Variants in MXD4 observed in about 807,000 individuals in gnomAD.
MXD4 encodes the protein Mad4 homolog.
In MXD4, 16 loss-of-function variants were observed where a neutral mutation model predicts 24.5. The observed-to-expected ratio is 0.65, with a 90% CI of 0.44 to 0.99. The LOEUF (loss-of-function observed/expected upper bound fraction) is 0.99, where lower values mean the gene tolerates loss of function less well. Ranked by LOEUF, MXD4 falls within the 50% of genes least tolerant of loss-of-function variation. The probability of loss-of-function intolerance (pLI) is 0.00; values close to 1 mark genes in which losing one functional copy is unlikely to be tolerated. For synonymous variants in MXD4, 164 were observed against 134.2 expected (o/e 1.22, Z -1.54); for missense variants, 301 against 301.5 (o/e 1.00, Z 0.01).
chr4:2,260,942 C>T (rs1735527546), intron 2 of MXD4, among the ~76,000 whole-genome samples: 1 of 152,330 alleles, frequency 6.6e-6, no homozygotes, highest in Admixed American at 6.5e-5. Context: ...CCACTCCCCA[C>T]GCGGGGGACC....
chr4:2,250,374 G>A lies in MXD4; in HGVS notation c.*170C>T, dbSNP rs1240322784. 34 of 918,088 alleles carry A rather than the reference G, an allele frequency of 3.7e-5. No homozygotes were observed. The highest frequency in any genetic ancestry group is 2.7e-4 in the Admixed American group (9 of 33,190). The allele number at this position is 918,088 out of a possible 1,614,324, so 56.9% of individuals were successfully genotyped here. On this transcript the variant is annotated 3_prime_UTR_variant, in exon 6 of 6. Coordinates refer to ENST00000337190, the MANE Select transcript of MXD4 (RefSeq NM_006454.3). Reference sequence around the variant, plus strand: ...CCCAGCTGGAAGGGGCAGGCAGCTCGGCAGGCCCTGACCGGCAAGCGGGCA... The same window carrying A: ...CCCAGCTGGAAGGGGCAGGCAGCTCAGCAGGCCCTGACCGGCAAGCGGGCA...
intron 3 of MXD4, 163 bp from the exon 4 acceptor site, chr4:2,252,685 A>AC: frequency 2.1e-6 from 1 of 478,688 alleles, no homozygotes; most frequent in Non-Finnish European, 3.5e-6. Context: ...CCCGTCCCCC[A>AC]CCCCCAGGAG....
At chr4:2,257,303 G>A (rs1244342545) in intron 3 of MXD4, among the ~76,000 whole-genome samples, 1 of 152,220 alleles carries the variant, frequency 6.6e-6, no homozygotes, top group Non-Finnish European at 1.5e-5. Context: ...TCAGGAGAGA[G>A]CGAAGGACCA....
At chr4:2,256,193 G>T (rs1253409796) in intron 3 of MXD4, among the ~76,000 whole-genome samples, 1 of 152,250 alleles carries the variant, frequency 6.6e-6, no homozygotes, top group Non-Finnish European at 1.5e-5. Flanking sequence ...ACTAAGATCA[G>T]AGCCTGGAGT....
intron 3 of MXD4, among the ~76,000 whole-genome samples, chr4:2,256,953 A>C (rs185839501): frequency 6.6e-4 from 100 of 152,228 alleles, no homozygotes; most frequent in Non-Finnish European, 1.2e-3. Context: ...TTAGGCCTGG[A>C]ACAATTCCAG....
rs1238007068 is a variant in MXD4, at chr4:2,248,934, C to G, written c.*1610G>C. The G allele has an allele frequency of 6.6e-6, 1 of 152,366 alleles. No homozygotes were observed. Among genetic ancestry groups the G allele is most frequent in the Non-Finnish European group, 1.5e-5 (1 of 68,142 alleles). The allele number at this position is 152,366 out of a possible 1,614,324, so 9.4% of individuals were successfully genotyped here. On this transcript the variant is annotated 3_prime_UTR_variant, in exon 6 of 6. Transcript: ENST00000337190. ...CCAGGCCTGCACCACCCAGCGAGCA[C>G]AGTCTTCATTGGCTGCCAGTGTCTG...
At chr4:2,250,920 G>A (rs1396170681) in intron 5 of MXD4, among the ~76,000 whole-genome samples, 164 bp downstream of exon 5, 1 of 152,164 alleles carries the variant, frequency 6.6e-6, no homozygotes, top group African/African-American at 2.4e-5. Flanking sequence ...CACCCTCCCT[G>A]TCCAGTCCCT....
chr4:2,257,506 G>A (rs1042676084), intron 3 of MXD4, among the ~76,000 whole-genome samples: 6 of 152,236 alleles, frequency 3.9e-5, no homozygotes, highest in African/African-American at 9.6e-5. Context: ...ACACCCCGCA[G>A]CTTTACTCAA....
At chr4:2,259,968 T>C (rs139430766) in intron 2 of MXD4, among the ~76,000 whole-genome samples, 1 of 152,316 alleles carries the variant, frequency 6.6e-6, no homozygotes, top group East Asian at 1.9e-4. Context: ...TCCCTCACCT[T>C]GGCAGAGCAT....
intron 4 of MXD4, among the ~76,000 whole-genome samples, chr4:2,252,045 G>A (rs1735334291): frequency 2.0e-5 from 3 of 152,044 alleles, no homozygotes; most frequent in Non-Finnish European, 2.9e-5. Context: ...AGGAAACCCT[G>A]GCCCCCTCTC....
At position 2,250,278 on chromosome 4, in the gene MXD4, A is replaced by G; in HGVS notation, c.*266T>C. Reference sequence around the variant, plus strand: ...GGAATGATTAGGAATCTGAGAACAGACCGTGGGCGGCTATGCTGACCAGGG... The same window carrying G: ...GGAATGATTAGGAATCTGAGAACAGGCCGTGGGCGGCTATGCTGACCAGGG... On this transcript the variant is annotated 3_prime_UTR_variant, in exon 6 of 6. Coordinates refer to ENST00000337190, the MANE Select transcript of MXD4 (RefSeq NM_006454.3). 1 of 551,660 alleles carries G rather than the reference A, an allele frequency of 1.8e-6. No homozygotes were observed. Among genetic ancestry groups the G allele is most frequent in the East Asian group, 3.0e-5 (1 of 33,294 alleles). 34.2% of individuals were successfully genotyped at this position (551,660 alleles called of 1,614,324 possible).
At chr4:2,251,676 C>T (rs74508635) in intron 4 of MXD4, among the ~76,000 whole-genome samples, 6,532 of 152,298 alleles carry the variant, frequency 0.043, 489 homozygotes, top group African/African-American at 0.15. Context: ...CATGCCTGTC[C>T]CTGCAACACC....
intron 2 of MXD4, among the ~76,000 whole-genome samples, chr4:2,261,059 G>A (rs1197401608): frequency 6.6e-6 from 1 of 152,214 alleles, no homozygotes; most frequent in African/African-American, 2.4e-5. Flanking sequence ...CTGCCCTGCA[G>A]CCTGCCCCCT....
rs1159831357 is a variant in MXD4 at position 2,249,007 on chromosome 4, G to GT, written c.*1536dup. On this transcript the variant is annotated 3_prime_UTR_variant, in exon 6 of 6. Transcript: ENST00000337190. ...CCAGGAAGCAGGGGGCTCGAGTCAG[G>GT]TGACAGGTGAGAATCCATCTCTCTA... 10 of 152,372 alleles carry GT rather than the reference G, an allele frequency of 6.6e-5. No individual in the cohort carries two copies. Among genetic ancestry groups the GT allele is most frequent in the African/African-American group, 2.4e-4 (10 of 41,476 alleles). 9.4% of individuals were successfully genotyped at this position (152,372 alleles called of 1,614,324 possible).
At chr4:2,260,643 G>C in intron 2 of MXD4, 1 of 450,306 alleles carries the variant, frequency 2.2e-6, no homozygotes, top group East Asian at 7.0e-5. Flanking sequence ...CCAGGGGCTG[G>C]GACTCAGGGA....
intron 3 of MXD4, among the ~76,000 whole-genome samples, chr4:2,257,394 C>T (rs999724264): frequency 5.3e-5 from 8 of 152,140 alleles, no homozygotes; most frequent in South Asian, 2.1e-4. Flanking sequence ...CCAGGGCTCC[C>T]GCTGCCAGCC....
intron 2 of MXD4, among the ~76,000 whole-genome samples, chr4:2,260,740 C>T (rs912321880): frequency 6.6e-6 from 1 of 152,234 alleles, no homozygotes; most frequent in Admixed American, 6.5e-5. Flanking sequence ...ACCAGCCTTT[C>T]GGATTCCCTA....
rs1052374332 is a variant in MXD4, at chr4:2,249,549, G to A, written c.*995C>T. The A allele has an allele frequency of 2.0e-5, 3 of 151,922 alleles. No individual in the cohort carries two copies. The highest frequency in any genetic ancestry group is 1.3e-4 in the Admixed American group (2 of 15,274). The allele number at this position is 151,922 out of a possible 1,614,324, so 9.4% of individuals were successfully genotyped here. ...TAAGGTGGCTCCAGGAGCCCTAACC[G>A]GGCTGCTGGGCAGTGCAGCATTTTA... On this transcript the variant is annotated 3_prime_UTR_variant, in exon 6 of 6. Transcript: ENST00000337190.
chr4:2,255,325 C>T (rs569951007), intron 3 of MXD4: 18 of 456,250 alleles, frequency 3.9e-5, no homozygotes, highest in South Asian at 2.6e-4. Flanking sequence ...GGTCCGTGAA[C>T]AGACCGCTTT....
Sources: gnomAD v4.1 joint callset for allele counts (sites outside exome capture counted in the v4.1 genomes callset) on GRCh38, gnomAD v4.1.1 for gene constraint, MANE v1.5 for transcripts, NCBI Gene and HGNC (gene_info 2026-07-23, HGNC 2026-07-21) for gene names.